IGFL2: variants seen among roughly 807,000 people sequenced by gnomAD.
IGFL2 encodes the protein insulin growth factor-like family member 2.
In IGFL2, 7 loss-of-function variants were observed where a neutral mutation model predicts 13.9. That is an observed-to-expected ratio of 0.51 (90% CI 0.29 to 0.95). IGFL2 has a LOEUF of 0.95. IGFL2 is among the 40% of genes least tolerant of loss of function. IGFL2 has a pLI of 0.08. For missense variants in IGFL2, 138 were observed against 147.8 expected, an observed-to-expected ratio of 0.93 and a Z score of 0.34; for synonymous variants, 55 against 55.8, an observed-to-expected ratio of 0.99 and a Z score of 0.07.
At chr19:46,129,047 C>T in the IGFL2 span, among the ~76,000 whole-genome samples, 601 of 152,036 alleles carry the variant, frequency 4.0e-3, 3 homozygotes, top group African/African-American at 0.012. Context: ...ATTCAGGGAC[C>T]GAATCTCTTC....
chr19:46,193,316 T>C, the IGFL2 span, among the ~76,000 whole-genome samples: 1 of 152,202 alleles, frequency 6.6e-6, no homozygotes, highest in Non-Finnish European at 1.5e-5. Context: ...GAGTCATCCT[T>C]CGTGCAGCAT....
downstream of IGFL2, among the ~76,000 whole-genome samples, chr19:46,163,455 G>T (rs374058190): frequency 2.0e-3 from 301 of 152,330 alleles, no homozygotes; most frequent in African/African-American, 6.9e-3. Flanking sequence ...TCCATGCCAG[G>T]GGTTCCCTGC....
chr19:46,160,387 T>C, intron 1 of IGFL2, 28 bp from the exon 2 acceptor site: 1 of 1,604,480 alleles, frequency 6.2e-7, no homozygotes, highest in African/African-American at 1.3e-5. Flanking sequence ...TCCAGCCCCA[T>C]CCTTAACCTC....
chr19:46,214,340 C>T, the IGFL2 span: 1 of 152,182 alleles, frequency 6.6e-6, no homozygotes, highest in South Asian at 2.1e-4. Context: ...CCCAGAATCA[C>T]CAGGTCGATT....
chr19:46,116,422 A>C, the IGFL2 span, among the ~76,000 whole-genome samples: 32 of 152,270 alleles, frequency 2.1e-4, no homozygotes, highest in African/African-American at 7.5e-4. Flanking sequence ...AATTAAAAAA[A>C]TACATTGCTT....
chr19:46,181,696 A>G, the IGFL2 span, among the ~76,000 whole-genome samples: 1 of 152,204 alleles, frequency 6.6e-6, no homozygotes, highest in African/African-American at 2.4e-5. Context: ...CTGCCTGTCA[A>G]AGGATCCTTA....
At chr19:46,095,155 G>A in the IGFL2 span, among the ~76,000 whole-genome samples, 648 of 152,268 alleles carry the variant, frequency 4.3e-3, 1 homozygote, top group African/African-American at 0.014. Context: ...CAGTATAAAA[G>A]CATTCCTGTT....
the IGFL2 span, among the ~76,000 whole-genome samples, chr19:46,114,561 G>A: frequency 2.1e-3 from 326 of 152,280 alleles, no homozygotes; most frequent in Non-Finnish European, 4.1e-3. Flanking sequence ...ACATGTTAGG[G>A]AGGGACATGG....
At chr19:46,165,563 C>T (rs1181348475), downstream of IGFL2, among the ~76,000 whole-genome samples, 2 of 152,214 alleles carry the variant, frequency 1.3e-5, no homozygotes, top group South Asian at 2.1e-4. Flanking sequence ...CCATTTGGTG[C>T]GTGGCCCTGT....
intron 1 of IGFL2, among the ~76,000 whole-genome samples, chr19:46,156,968 C>A (rs1382376537): frequency 6.6e-6 from 1 of 152,036 alleles, no homozygotes; most frequent in Non-Finnish European, 1.5e-5. Context: ...GTTTTGCAGA[C>A]ACTAAAAGAA....
At chr19:46,148,374 C>A (rs1973253509) in intron 1 of IGFL2, 77 bp downstream of exon 1, 2 of 1,231,564 alleles carry the variant, frequency 1.6e-6, no homozygotes, top group Admixed American at 2.0e-5. Flanking sequence ...AAACTTAATT[C>A]TCTCTTCCCT....
At chr19:46,120,294 C>T in the IGFL2 span, 1 of 1,610,234 alleles carries the variant, frequency 6.2e-7, no homozygotes, top group Middle Eastern at 1.7e-4. Flanking sequence ...GTCTCTTCTC[C>T]CCTTGTCTGC....
At chr19:46,137,055 G>C in the IGFL2 span, 20 of 1,594,856 alleles carry the variant, frequency 1.3e-5, no homozygotes, top group Non-Finnish European at 1.7e-5. Context: ...ACTGATGGAC[G>C]AGCCAAAACT....
upstream of IGFL2, among the ~76,000 whole-genome samples, chr19:46,141,557 C>T (rs970429809): frequency 6.6e-6 from 1 of 152,192 alleles, no homozygotes; most frequent in South Asian, 2.1e-4. Context: ...CTAGCACCTT[C>T]TCCACCTACA....
upstream of IGFL2, among the ~76,000 whole-genome samples, chr19:46,139,837 ATATATT>A (rs1972775907): frequency 6.6e-6 from 1 of 151,506 alleles, no homozygotes; most frequent in Admixed American, 6.6e-5. Context: ...ATATGTCTAT[ATATATT>A]TATATGTGTG....
the IGFL2 span, among the ~76,000 whole-genome samples, chr19:46,085,993 C>G: frequency 6.6e-6 from 1 of 152,038 alleles, no homozygotes; most frequent in Admixed American, 6.5e-5. Context: ...GTAGGCTCCA[C>G]TCATTCTTTT....
the IGFL2 span, among the ~76,000 whole-genome samples, chr19:46,178,876 A>T: frequency 3.3e-5 from 5 of 151,856 alleles, no homozygotes; most frequent in Non-Finnish European, 7.3e-5. Context: ...AACCTGACCA[A>T]CTCAGGCACA....
At chr19:46,157,216 A>G (rs537085704) in intron 1 of IGFL2, among the ~76,000 whole-genome samples, 1 of 152,326 alleles carries the variant, frequency 6.6e-6, no homozygotes, top group African/African-American at 2.4e-5. Flanking sequence ...ATTGACACCA[A>G]TTCTGCACAA....
chr19:46,155,899 A>T (rs1254298598), intron 1 of IGFL2, among the ~76,000 whole-genome samples: 1 of 152,070 alleles, frequency 6.6e-6, no homozygotes, highest in African/African-American at 2.4e-5. Flanking sequence ...AAACTTCCTG[A>T]TCTGTTAGGG....
Sources: allele counts gnomAD v4.1 joint callset (sites outside exome capture counted in the v4.1 genomes callset), GRCh38; gene constraint gnomAD v4.1.1; transcripts MANE v1.5; gene names NCBI Gene and HGNC (gene_info 2026-07-23, HGNC 2026-07-21).